The following COL17A1 variants were observed in gnomAD, a reference collection of about 807,000 sequenced individuals.
COL17A1 encodes collagen alpha-1(XVII) chain.
COL17A1 carries 181 observed loss-of-function variants against 218.4 expected under a neutral mutation model. That is an observed-to-expected ratio of 0.83 (90% CI 0.73 to 0.94). The LOEUF (loss-of-function observed/expected upper bound fraction) is 0.94, where lower values mean the gene tolerates loss of function less well. COL17A1 is among the 40% of genes least tolerant of loss of function. COL17A1 has a pLI of 0.00. For synonymous variants in COL17A1, 721 were observed against 731.0 expected, an observed-to-expected ratio of 0.99 and a Z score of 0.22; for missense variants, 1,924 against 1,945.9, an observed-to-expected ratio of 0.99 and a Z score of 0.21.
intron 31 of COL17A1, among the ~76,000 whole-genome samples, chr10:104,047,395 AGT>A (rs1385877935): frequency 1.3e-5 from 2 of 151,824 alleles, no homozygotes; most frequent in Non-Finnish European, 2.9e-5. Flanking sequence ...CAGTTTTAAG[AGT>A]GTCCTTGCCC....
chr10:104,059,461 C>G (rs1564680782), intron 15 of COL17A1, 177 bp downstream of exon 15: 3 of 662,908 alleles, frequency 4.5e-6, no homozygotes, highest in South Asian at 3.4e-5. Context: ...TGAACTGCAG[C>G]TTCTGACTCA....
intron 4 of COL17A1, 149 bp downstream of exon 4, chr10:104,077,273 G>A (rs2086718842): frequency 4.2e-6 from 3 of 721,368 alleles, no homozygotes; most frequent in Non-Finnish European, 5.0e-6. Context: ...CTCTCAGGGG[G>A]ATTTGGAATG....
chr10:104,073,628 C>T (rs2086685730), intron 6 of COL17A1, among the ~76,000 whole-genome samples: 1 of 152,124 alleles, frequency 6.6e-6, no homozygotes, highest in Admixed American at 6.5e-5. Context: ...ATGGTTTCCC[C>T]ACTGTAAGCA....
intron 36 of COL17A1, 97 bp from the exon 37 acceptor site, chr10:104,041,635 C>G: frequency 1.9e-6 from 2 of 1,026,504 alleles, no homozygotes; most frequent in South Asian, 2.8e-5. Flanking sequence ...TCCAGGCACT[C>G]CAGGCTACCC....
chr10:104,062,441 G>T, intron 11 of COL17A1, 112 bp from the exon 12 acceptor site: 1 of 1,446,516 alleles, frequency 6.9e-7, no homozygotes, highest in Admixed American at 1.7e-5. Flanking sequence ...TTTGCCAACA[G>T]ATTCCCAAAC....
intron 11 of COL17A1, 147 bp from the exon 12 acceptor site, chr10:104,062,476 A>C (rs2086591492): frequency 9.1e-7 from 1 of 1,097,340 alleles, no homozygotes; most frequent in East Asian, 2.5e-5. Flanking sequence ...CACTCTTTGT[A>C]ACGTAGTAAA....
intron 9 of COL17A1, among the ~76,000 whole-genome samples, 193 bp downstream of exon 9, chr10:104,070,233 C>A (rs2086658261): frequency 6.6e-6 from 1 of 152,226 alleles, no homozygotes; most frequent in South Asian, 2.1e-4. Flanking sequence ...GCAGCTGTCA[C>A]AAGCAAACAA....
At chr10:104,040,063 C>G in intron 40 of COL17A1, 64 bp from the exon 41 acceptor site, 2 of 1,583,062 alleles carry the variant, frequency 1.3e-6, no homozygotes, top group Non-Finnish European at 1.7e-6. Context: ...TTCAATGGGC[C>G]CATGGAGGAG....
intron 55 of COL17A1, 25 bp from the exon 56 acceptor site, chr10:104,032,315 A>AGTT (rs1200696541): frequency 2.5e-6 from 4 of 1,607,174 alleles, no homozygotes; most frequent in African/African-American, 1.3e-5. Flanking sequence ...ATCAGTAGGA[A>AGTT]GTTAAAACAT....
intron 52 of COL17A1, among the ~76,000 whole-genome samples, chr10:104,033,635 A>T (rs2086239264): frequency 6.6e-6 from 1 of 152,166 alleles, no homozygotes; most frequent in Non-Finnish European, 1.5e-5. Flanking sequence ...CTTAGCCAAC[A>T]TCCTTCTCTC....
At chr10:104,071,830 G>A (rs1020082544) in intron 8 of COL17A1, among the ~76,000 whole-genome samples, 8 of 152,184 alleles carry the variant, frequency 5.3e-5, no homozygotes, top group East Asian at 1.9e-4. Flanking sequence ...CAGGAACCAC[G>A]GTTTACTCAG....
In COL17A1 at chr10:104,052,141, C is replaced by A; in HGVS notation, c.2002+14G>T. 2.5e-6 allele frequency: 4 copies of A among 1,614,140 alleles called. No individual in the cohort carries two copies. In the East Asian group the frequency reaches 6.7e-5, roughly 27 times the overall value. ...TCTGGAAAACTTTGATTCCTTCCTG[C>A]ACACTGGACTTACCTTTGGGACCCA... On this transcript the variant is annotated intron_variant, in intron 24 of 55. Coordinates refer to ENST00000648076, the MANE Select transcript of COL17A1 (RefSeq NM_000494.4).
chr10:104,083,141 G>A (rs1036543160), intron 1 of COL17A1, among the ~76,000 whole-genome samples: 1 of 152,218 alleles, frequency 6.6e-6, no homozygotes, highest in Admixed American at 6.5e-5. Context: ...GAGTGATGGC[G>A]TGGGGCACAA....
At chr10:104,042,321 C>G (rs939273040) in intron 36 of COL17A1, 99 bp downstream of exon 36, 12 of 1,346,172 alleles carry the variant, frequency 8.9e-6, no homozygotes, top group Non-Finnish European at 1.2e-5. Context: ...CAAAACACAC[C>G]TTTCACGTCA....
chr10:104,038,280 A>C, intron 45 of COL17A1, 126 bp downstream of exon 45: 3 of 888,244 alleles, frequency 3.4e-6, no homozygotes, highest in Non-Finnish European at 5.3e-6. Flanking sequence ...ACACACACAC[A>C]CTCCCACTGC....
intron 31 of COL17A1, among the ~76,000 whole-genome samples, chr10:104,047,412 C>T (rs140338416): frequency 2.2e-4 from 34 of 152,248 alleles, no homozygotes; most frequent in African/African-American, 7.5e-4. Context: ...TTGCCCCTTT[C>T]TAGAAATCCT....
In COL17A1 at chr10:104,050,872, C is replaced by T. The variant is rs1564677437; in HGVS notation, c.2068G>A (p.Glu690Lys). ...GPVGLQGLRG[E>K]VGLPGVKGDK... is the part of the protein sequence containing the mutation. The stretch of plus-strand genomic sequence containing the variant: ...CCTTTGACACCAGGAAGTCCTACTT[C>T]ACCTCGGAGCCCTTGGAGACCTACA... The change falls in exon 26 of 56, where the codon GAA becomes AAA. Residue 690 changes from glutamate (E) to lysine (K), a missense_variant. Transcript: ENST00000648076. 6.2e-7 allele frequency: 1 copy of T among 1,614,216 alleles called. No individual in the cohort carries two copies. The highest frequency in any genetic ancestry group is 1.3e-5 in the African/African-American group (1 of 75,048).
At chr10:104,036,063 A>AGT (rs1219345652) in intron 48 of COL17A1, among the ~76,000 whole-genome samples, 2 of 15,766 alleles carry the variant, frequency 1.3e-4, no homozygotes, top group African/African-American at 2.2e-4. Flanking sequence ...TGTGTATGGG[A>AGT]GTATGTGTAT....
chr10:104,068,400 C>G (rs879846090), intron 9 of COL17A1, among the ~76,000 whole-genome samples: 33 of 152,216 alleles, frequency 2.2e-4, no homozygotes, highest in Non-Finnish European at 4.0e-4. Context: ...TGGGTCATCC[C>G]AAGTAATAAA....
Sources: allele counts gnomAD v4.1 joint callset (sites outside exome capture counted in the v4.1 genomes callset), GRCh38; gene constraint gnomAD v4.1.1; transcripts MANE v1.5; gene names NCBI Gene and HGNC (gene_info 2026-07-23, HGNC 2026-07-21).